The following TPPP variants were observed in gnomAD, a reference collection of about 807,000 sequenced individuals.
TPPP encodes tubulin polymerization promoting protein.
In TPPP, 6 loss-of-function variants were observed where a neutral mutation model predicts 15.5. The observed-to-expected ratio is 0.39, with a 90% confidence interval of 0.21 to 0.77. The LOEUF (loss-of-function observed/expected upper bound fraction) is 0.77. Ranked by LOEUF, TPPP falls within the 30% of genes least tolerant of loss-of-function variation. The pLI, the probability that TPPP is intolerant of heterozygous loss-of-function variation, is 0.42. For synonymous variants in TPPP, 146 were observed against 133.9 expected, an observed-to-expected ratio of 1.09 and a Z score of -0.63; for missense variants, 269 against 307.2, an observed-to-expected ratio of 0.88 and a Z score of 0.93.
intron 1 of TPPP, among the ~76,000 whole-genome samples, chr5:692,130 C>A (rs149191528): frequency 0.069 from 6,441 of 93,614 alleles, 326 homozygotes; most frequent in Non-Finnish European, 0.11. Context: ...AAAACAGCAG[C>A]CCCCCAGACC....
At chr5:676,815 CATGCACACAT>C in intron 2 of TPPP, among the ~76,000 whole-genome samples, 2 of 100,864 alleles carry the variant, frequency 2.0e-5, no homozygotes, top group African/African-American at 2.9e-4. Context: ...TGCAGAAACA[CATGCACACAT>C]GCGCACACGT....
intron 1 of TPPP, among the ~76,000 whole-genome samples, chr5:680,250 G>A (rs1250087964): frequency 3.5e-5 from 4 of 115,652 alleles, no homozygotes; most frequent in East Asian, 4.7e-4. Flanking sequence ...GGTGGGGGCC[G>A]TGGGGGAGAG....
In TPPP at chr5:677,985, G is replaced by T. The variant is rs757964583; in HGVS notation, c.76C>A (p.Arg26=). ...PKSPGDPSKD[R]AAKRLSLESE... is the part of the protein sequence containing the mutation. ...TCCAGCGACAGCCTCTTGGCTGCCC[G>T]GTCCTTCGAGGGGTCCCCCGGGGAC... Residue 26 remains arginine (R), a synonymous_variant, in exon 2 of 4, where the codon CGG becomes AGG. Coordinates refer to ENST00000360578, the MANE Select transcript of TPPP (RefSeq NM_007030.3). 3.7e-6 allele frequency: 6 copies of T among 1,608,456 alleles called. No individual in the cohort carries two copies. The highest frequency in any genetic ancestry group is 5.1e-6 in the Non-Finnish European group (6 of 1,177,940).
chr5:669,874 T>G (rs1580079823), intron 2 of TPPP, among the ~76,000 whole-genome samples: 1 of 152,098 alleles, frequency 6.6e-6, no homozygotes, highest in East Asian at 1.9e-4. Flanking sequence ...AGACACTCAG[T>G]CTGGCTGCCC....
chr5:693,733 G>A (rs1177528097), upstream of TPPP, among the ~76,000 whole-genome samples: 2 of 150,856 alleles, frequency 1.3e-5, no homozygotes, highest in Admixed American at 1.3e-4. Context: ...GTGCGGCGGG[G>A]GATGGATGAG....
At chr5:676,687 G>A (rs1740443354) in intron 2 of TPPP, 1 of 152,296 alleles carries the variant, frequency 6.6e-6, no homozygotes, top group Non-Finnish European at 1.5e-5. Context: ...GAGGTGAAAT[G>A]TGCTGGGGCG....
At chr5:699,096 T>A in the TPPP span, among the ~76,000 whole-genome samples, 5 of 151,870 alleles carry the variant, frequency 3.3e-5, no homozygotes, top group Non-Finnish European at 7.4e-5. Flanking sequence ...TTCAAAGCAA[T>A]CTACAGACCC....
intron 2 of TPPP, among the ~76,000 whole-genome samples, chr5:667,977 CAGAG>C (rs1425324405): frequency 2.1e-5 from 1 of 48,530 alleles, no homozygotes; most frequent in Non-Finnish European, 3.2e-5. Context: ...GACAAGCACA[CAGAG>C]AGGGGGCCGT....
At chr5:667,950 G>C (rs1321540478) in intron 2 of TPPP, among the ~76,000 whole-genome samples, 2 of 57,048 alleles carry the variant, frequency 3.5e-5, no homozygotes, top group African/African-American at 2.3e-4. Flanking sequence ...CCGTGTGGGC[G>C]CCGTCAGGGA....
chr5:692,492 C>A, intron 1 of TPPP: 4 of 815,924 alleles, frequency 4.9e-6, no homozygotes, highest in Non-Finnish European at 5.9e-6. Context: ...CCCATCAAGA[C>A]AACAGCCCCC....
rs1308034879 is a variant in TPPP at position 664,853 on chromosome 5, G to A, written c.*249C>T. ...GTGATCCGCGAGACACTTTGGAAAT[G>A]GCTGAGGACGAGGCAGGTGTATTAG... is the stretch of plus-strand genomic sequence containing the variant. On this transcript the variant is annotated 3_prime_UTR_variant, in exon 4 of 4. Transcript: ENST00000360578. The A allele has an allele frequency of 2.7e-5, 14 of 523,238 alleles. No individual in the cohort carries two copies. The highest frequency in any genetic ancestry group is 4.8e-5 in the Non-Finnish European group (14 of 291,956). The allele number at this position is 523,238 out of a possible 1,614,324, so 32.4% of individuals were successfully genotyped here.
rs450628 is a variant in TPPP, at chr5:677,947, A to G, written c.114T>C (p.Ala38=). 0.65 allele frequency: 1,046,331 copies of G among 1,610,324 alleles called. 343,591 individuals are homozygous for G. The highest frequency in any genetic ancestry group is 0.93 in the African/African-American group (69,592 of 74,986). ...CAGGGGATGCGGCTGCCCCCTCACC[A>G]GCACCCTCCGATTCCAGCGACAGCC... The part of the protein sequence containing the change: ...AKRLSLESEG[A]GEGAAASPEL... The change falls in exon 2 of 4, where the codon GCT becomes GCC. Residue 38 remains alanine (A), a synonymous_variant. Coordinates refer to ENST00000360578, the MANE Select transcript of TPPP (RefSeq NM_007030.3).
intron 2 of TPPP, among the ~76,000 whole-genome samples, chr5:667,505 G>T (rs72707023): frequency 1.3e-5 from 2 of 152,240 alleles, no homozygotes; most frequent in African/African-American, 4.8e-5. Context: ...GGGGTTAGGC[G>T]AAGATTTCTT....
chr5:670,222 C>T (rs1383439774), intron 2 of TPPP, among the ~76,000 whole-genome samples: 1 of 152,120 alleles, frequency 6.6e-6, no homozygotes, highest in East Asian at 1.9e-4. Flanking sequence ...CCCCGCTGGG[C>T]TCGGGACTGT....
chr5:673,244 G>A (rs1192290761), intron 2 of TPPP, among the ~76,000 whole-genome samples: 1 of 152,214 alleles, frequency 6.6e-6, no homozygotes, highest in Non-Finnish European at 1.5e-5. Context: ...CCTCGTGGTG[G>A]CCCTGCTCCT....
intron 1 of TPPP, among the ~76,000 whole-genome samples, chr5:683,958 C>T (rs1440754672): frequency 2.0e-5 from 3 of 152,200 alleles, no homozygotes; most frequent in Admixed American, 6.5e-5. Flanking sequence ...GGGGGAGCAC[C>T]CTCCACCTCG....
chr5:677,690 G>A, intron 2 of TPPP, 60 bp downstream of exon 2: 4 of 1,472,478 alleles, frequency 2.7e-6, no homozygotes, highest in East Asian at 4.7e-5. Flanking sequence ...CCACCCAGGG[G>A]CTCAGGGCCG....
intron 1 of TPPP, among the ~76,000 whole-genome samples, chr5:685,657 G>C (rs1266178371): frequency 6.6e-6 from 1 of 152,214 alleles, no homozygotes; most frequent in African/African-American, 2.4e-5. Context: ...GGTCAACAGG[G>C]TGCACCCAGC....
Position 662,233 on chromosome 5 carries a change from G to A in TPPP, c.*2869C>T, listed in dbSNP as rs3749609. 0.15 allele frequency: 22,446 copies of A among 152,560 alleles called. 2,047 individuals carry two copies. Among genetic ancestry groups the A allele is most frequent in the African/African-American group, 0.25 (10,402 of 41,538 alleles). The allele number at this position is 152,560 out of a possible 1,614,324, so 9.5% of individuals were successfully genotyped here. ...TGGTGAGTCGGTGCTGGCCGTGTGGGCGAGGTGACCCGTCGGTGACAGGGC... is the reference window on the plus strand; with the variant it reads ...TGGTGAGTCGGTGCTGGCCGTGTGGACGAGGTGACCCGTCGGTGACAGGGC... On this transcript the variant is annotated 3_prime_UTR_variant, in exon 4 of 4. Transcript: ENST00000360578.
Sources: allele counts gnomAD v4.1 joint callset (sites outside exome capture counted in the v4.1 genomes callset), GRCh38; gene constraint gnomAD v4.1.1; transcripts MANE v1.5; gene names NCBI Gene and HGNC (gene_info 2026-07-23, HGNC 2026-07-21).